RGS7: variants seen among roughly 807,000 people sequenced by gnomAD.
RGS7 encodes regulator of G protein signaling 7, also known as regulator of G-protein signaling 7.
In RGS7, 27 loss-of-function variants were observed where a neutral mutation model predicts 81.1. The ratio of observed to expected loss-of-function variants is 0.33; its 90% CI spans 0.25 to 0.46. The LOEUF (loss-of-function observed/expected upper bound fraction) is 0.46, where lower values mean the gene tolerates loss of function less well. RGS7 is among the 20% of genes least tolerant of loss of function. The pLI is 1.00. For missense variants in RGS7, 396 were observed against 607.4 expected (o/e 0.65, Z 3.66); for synonymous variants, 208 against 207.7 (o/e 1.00, Z -0.01).
In RGS7 at chr1:240,827,270, G is replaced by T. The variant is rs1693002690; in HGVS notation, c.610-98C>A. On this transcript the variant is annotated intron_variant, in intron 9 of 18. Coordinates refer to ENST00000440928, the MANE Select transcript of RGS7 (RefSeq NM_001364886.1). ...CTCGCTCTCCAGAGCCCGAGCAAAT[G>T]CCCCAATGACACAAATCAAGGGAGG... 3 of 928,326 alleles carry T rather than the reference G, an allele frequency of 3.2e-6. No homozygotes were observed. In the East Asian group the frequency reaches 7.3e-5, roughly 23 times the overall value. 57.5% of individuals were successfully genotyped at this position (928,326 alleles called of 1,614,324 possible).
At chr1:241,238,167 G>C (rs2076080413) in intron 2 of RGS7, among the ~76,000 whole-genome samples, 2 of 152,172 alleles carry the variant, frequency 1.3e-5, no homozygotes, top group Non-Finnish European at 1.5e-5. Context: ...AGGTATTGTA[G>C]AAGCTCAGAT....
At chr1:241,022,318 C>T (rs907061527) in intron 3 of RGS7, among the ~76,000 whole-genome samples, 17 of 152,156 alleles carry the variant, frequency 1.1e-4, no homozygotes, top group African/African-American at 3.6e-4. Flanking sequence ...TTGGGAGCAA[C>T]GCAGTTTAGA....
chr1:241,045,910 C>T (rs1008871779), intron 3 of RGS7, among the ~76,000 whole-genome samples: 2 of 152,132 alleles, frequency 1.3e-5, no homozygotes, highest in Non-Finnish European at 2.9e-5. Flanking sequence ...CTCTTCTCTC[C>T]CCTCCATCAG....
At chr1:241,048,828 G>T (rs1455839806) in intron 3 of RGS7, among the ~76,000 whole-genome samples, 1 of 152,196 alleles carries the variant, frequency 6.6e-6, no homozygotes, top group Non-Finnish European at 1.5e-5. Flanking sequence ...ATTGTCTCAT[G>T]GTTCTGGAAG....
intron 2 of RGS7, among the ~76,000 whole-genome samples, chr1:241,307,160 T>C (rs1252574334): frequency 6.6e-6 from 1 of 152,228 alleles, no homozygotes; most frequent in African/African-American, 2.4e-5. Context: ...AATCTCTATT[T>C]GCAATTTACT....
intron 3 of RGS7, among the ~76,000 whole-genome samples, chr1:241,000,911 C>G (rs623015): frequency 6.6e-6 from 1 of 151,342 alleles, no homozygotes; most frequent in East Asian, 1.9e-4. Context: ...CCTGCCTCAG[C>G]CTTCCAAAGT....
intron 2 of RGS7, among the ~76,000 whole-genome samples, chr1:241,226,827 C>A (rs1219685436): frequency 6.6e-6 from 1 of 152,182 alleles, no homozygotes; most frequent in African/African-American, 2.4e-5. Flanking sequence ...TTATTCTCCA[C>A]ACAGGTGTTT....
chr1:241,125,292 T>C (rs533914927), intron 2 of RGS7, among the ~76,000 whole-genome samples: 2 of 152,192 alleles, frequency 1.3e-5, no homozygotes, highest in Non-Finnish European at 2.9e-5. Context: ...TTTTATGAGG[T>C]TTCCTAGAAT....
intron 2 of RGS7, among the ~76,000 whole-genome samples, chr1:241,132,789 G>A (rs1049993920): frequency 6.6e-6 from 1 of 151,180 alleles, no homozygotes; most frequent in African/African-American, 2.4e-5. Context: ...TTTAGACGGA[G>A]TCTAGCTCTG....
At chr1:241,165,608 C>T (rs536995077) in intron 2 of RGS7, among the ~76,000 whole-genome samples, 90 of 135,052 alleles carry the variant, frequency 6.7e-4, no homozygotes, top group African/African-American at 2.3e-3. Flanking sequence ...GGAAGGGGAA[C>T]ATCACACTCT....
intron 4 of RGS7, among the ~76,000 whole-genome samples, chr1:240,967,572 G>GC (rs924399324): frequency 2.3e-5 from 3 of 131,162 alleles, no homozygotes; most frequent in South Asian, 2.6e-4. Flanking sequence ...AAGAAGTGGG[G>GC]GGGGGGGGGA....
Position 241,327,032 on chromosome 1 carries a change from A to AGGGAGTGAGGGAGGGAGGG in RGS7, c.78+28666_78+28667insCCCTCCCTCCCTCACTCCC, listed in dbSNP as rs1558320484. Among the ~76,000 whole-genome samples the AGGGAGTGAGGGAGGGAGGG allele has an allele frequency of 7.5e-4, 2 of 2,658 alleles. 1 individual carries two copies. The highest frequency in any genetic ancestry group is 4.4e-3 in the African/African-American group (2 of 454). The allele number at this position is 2,658 out of a possible 152,430, so 1.7% of individuals were successfully genotyped here. A position where few individuals can be genotyped will look rare whatever the true frequency, so the allele number is the denominator to read the frequency against. On this transcript the variant is annotated intron_variant, in intron 2 of 18. Transcript: ENST00000440928. ...GAAGGAAGGAAGGAAGGAAGGAAGG[A>AGGGAGTGAGGGAGGGAGGG]AGGAAGGGAGGGAGGGGAAAGGAAG... is the stretch of plus-strand genomic sequence containing the variant.
At chr1:241,263,510 A>G (rs1159699981) in intron 2 of RGS7, among the ~76,000 whole-genome samples, 1 of 152,174 alleles carries the variant, frequency 6.6e-6, no homozygotes, top group Admixed American at 6.5e-5. Context: ...TATTTTGGCA[A>G]CAGGTGGACC....
intron 4 of RGS7, among the ~76,000 whole-genome samples, chr1:240,965,103 C>T (rs1242704002): frequency 6.6e-6 from 1 of 152,176 alleles, no homozygotes; most frequent in Non-Finnish European, 1.5e-5. Context: ...TTTACCTTTG[C>T]TTCTCTCAAG....
At chr1:240,849,050 T>C (rs887240290) in intron 9 of RGS7, among the ~76,000 whole-genome samples, 4 of 152,202 alleles carry the variant, frequency 2.6e-5, no homozygotes, top group African/African-American at 7.2e-5. Context: ...CATTTCCTAG[T>C]ACAGGCCTCG....
At chr1:240,796,454 G>A (rs1360989553) in intron 18 of RGS7, among the ~76,000 whole-genome samples, 1 of 152,146 alleles carries the variant, frequency 6.6e-6, no homozygotes, top group African/African-American at 2.4e-5. Context: ...GGGAAGCTGA[G>A]GTGGGCAGAT....
intron 4 of RGS7, among the ~76,000 whole-genome samples, chr1:240,958,552 C>G (rs920454186): frequency 1.4e-4 from 22 of 152,286 alleles, no homozygotes; most frequent in African/African-American, 5.3e-4. Flanking sequence ...CCAACTCACT[C>G]CTTAGTGATG....
In RGS7 at chr1:241,262,332, T is replaced by G. The variant is rs7553956; in HGVS notation, c.78+93367A>C. Among the ~76,000 whole-genome samples the G allele has an allele frequency of 2.4e-3, 361 of 152,340 alleles. 1 individual carries two copies. Among genetic ancestry groups the G allele is most frequent in the African/African-American group, 8.4e-3 (348 of 41,560 alleles). The stretch of plus-strand genomic sequence containing the variant: ...GTGGGGACCAAGGCATTCTGTGACA[T>G]TTGGATGAGAATTGCAAAGTATCTC... On this transcript the variant is annotated intron_variant, in intron 2 of 18. Coordinates refer to ENST00000440928, the MANE Select transcript of RGS7 (RefSeq NM_001364886.1).
chr1:240,833,017 T>A (rs1489678282), intron 9 of RGS7, among the ~76,000 whole-genome samples: 1 of 152,118 alleles, frequency 6.6e-6, no homozygotes, highest in Non-Finnish European at 1.5e-5. Flanking sequence ...AAAGTTTAAC[T>A]TATAAATTAG....
Sources: gnomAD v4.1 joint callset for allele counts (sites outside exome capture counted in the v4.1 genomes callset) on GRCh38, gnomAD v4.1.1 for gene constraint, MANE v1.5 for transcripts, NCBI Gene and HGNC (gene_info 2026-07-23, HGNC 2026-07-21) for gene names.